The following HTT variants were observed in gnomAD, a reference collection of about 807,000 sequenced individuals.
HTT encodes huntingtin.
HTT carries 104 observed loss-of-function variants against 362.3 expected under a neutral mutation model. That is an observed-to-expected ratio of 0.29 (90% CI 0.24 to 0.34). The LOEUF (loss-of-function observed/expected upper bound fraction) is 0.34, where lower values mean the gene tolerates loss of function less well. HTT is among the 10% of genes least tolerant of loss of function. The pLI is 1.00. For missense variants in HTT, 3,301 were observed against 3,928.6 expected (o/e 0.84, Z 4.27); for synonymous variants, 1,577 against 1,548.7 (o/e 1.02, Z -0.43).
chr4:3,172,620 A>G (rs1718045745), intron 30 of HTT, among the ~76,000 whole-genome samples: 1 of 152,158 alleles, frequency 6.6e-6, no homozygotes, highest in African/African-American at 2.4e-5. Context: ...AGGACACCAG[A>G]AGCTCCTCTG....
At chr4:3,100,560 C>T (rs972295564) in intron 3 of HTT, among the ~76,000 whole-genome samples, 6 of 152,196 alleles carry the variant, frequency 3.9e-5, no homozygotes, top group East Asian at 3.8e-4. Context: ...CTGCTTTGCT[C>T]GCATCTCACT....
intron 33 of HTT, among the ~76,000 whole-genome samples, chr4:3,175,622 C>T (rs923527426): frequency 5.9e-5 from 9 of 152,220 alleles, no homozygotes; most frequent in African/African-American, 1.9e-4. Context: ...TGGCTCTGCA[C>T]AAGCATTTGC....
In HTT at chr4:3,146,377, C is replaced by T. The variant is rs570146663; in HGVS notation, c.3144-420C>T. ...TATCAGGAAAACTAACCACGTCAGACCTGCCCCATTGTGTATCAAGTACAC... is the reference window on the plus strand; with the variant it reads ...TATCAGGAAAACTAACCACGTCAGATCTGCCCCATTGTGTATCAAGTACAC... On this transcript the variant is annotated intron_variant, in intron 24 of 66. Coordinates refer to ENST00000355072, the MANE Select transcript of HTT (RefSeq NM_001388492.1). Among the ~76,000 whole-genome samples the T allele has an allele frequency of 2.0e-5, 3 of 152,326 alleles. No individual in the cohort carries two copies. The South Asian group carries it at 6.2e-4, about 32-fold the overall frequency.
chr4:3,154,665 C>T (rs1164332862), intron 27 of HTT, among the ~76,000 whole-genome samples: 4 of 152,232 alleles, frequency 2.6e-5, no homozygotes, highest in Non-Finnish European at 4.4e-5. Context: ...TCCAGGCTTC[C>T]AGCCCTAGCA....
At chr4:3,115,566 A>C (rs1184104009) in intron 7 of HTT, 121 bp downstream of exon 7, 1 of 780,238 alleles carries the variant, frequency 1.3e-6, no homozygotes, top group Non-Finnish European at 2.1e-6. Flanking sequence ...TGGTTGATTG[A>C]ATGTGAACTG....
rs752910544 is a variant in HTT, at chr4:3,142,903, A to G, written c.3066+17A>G. 4.3e-6 allele frequency: 7 copies of G among 1,609,988 alleles called. No homozygotes were observed. Among genetic ancestry groups the G allele is most frequent in the Non-Finnish European group, 5.1e-6 (6 of 1,176,926 alleles). ...GCACTCACAGTAAGTCTCTTTCTTG[A>G]TCGGTCTTACTGACATTGTAATAGT... is the stretch of plus-strand genomic sequence containing the variant. On this transcript the variant is annotated intron_variant, in intron 23 of 66. Transcript: ENST00000355072.
At chr4:3,082,640 A>G (rs1425560873) in intron 1 of HTT, among the ~76,000 whole-genome samples, 1 of 152,178 alleles carries the variant, frequency 6.6e-6, no homozygotes, top group Non-Finnish European at 1.5e-5. Context: ...ACTTACATGC[A>G]CATTGGAGTT....
intron 9 of HTT, chr4:3,121,694 CAAAAAAAAAAA>C (rs1019406950): frequency 2.5e-5 from 1 of 39,430 alleles, no homozygotes; most frequent in African/African-American, 1.0e-4. Flanking sequence ...CCTGTCTCTA[CAAAAAAAAAAA>C]AAAAAAAAAA....
At chr4:3,165,440 G>A (rs1717652568) in intron 29 of HTT, among the ~76,000 whole-genome samples, 1 of 152,082 alleles carries the variant, frequency 6.6e-6, no homozygotes, top group Non-Finnish European at 1.5e-5. Flanking sequence ...TGTATTTCCT[G>A]AATTTGAATG....
intron 65 of HTT, 58 bp from the exon 66 acceptor site, chr4:3,238,760 A>G: frequency 1.2e-6 from 1 of 854,166 alleles, no homozygotes; most frequent in South Asian, 1.8e-5. Context: ...ACCCAGGCGC[A>G]GCAGGTGCTT....
At chr4:3,213,860 C>T in intron 49 of HTT, 98 bp from the exon 50 acceptor site, 2 of 1,105,016 alleles carry the variant, frequency 1.8e-6, no homozygotes, top group South Asian at 4.0e-5. Flanking sequence ...GACGCGCTGC[C>T]CCTCAGTGCT....
chr4:3,087,381 C>T lies in HTT; in HGVS notation c.347+359C>T, dbSNP rs971230969. ...CAGCACAAGACAGTTCAGTTTGTCTCTCTTATTTGCTTTTTCTTGGCAGTT... is the reference window on the plus strand; with the variant it reads ...CAGCACAAGACAGTTCAGTTTGTCTTTCTTATTTGCTTTTTCTTGGCAGTT... On this transcript the variant is annotated intron_variant, in intron 2 of 66. Transcript: ENST00000355072. 2.0e-5 allele frequency among the ~76,000 whole-genome samples: 3 copies of T among 152,196 alleles called. No homozygotes were observed. The East Asian group carries it at 5.8e-4, about 29-fold the overall frequency.
In HTT at chr4:3,243,208, G is replaced by A. The variant is rs1721898526; in HGVS notation, c.*3149G>A. 1 of 152,678 alleles carries A rather than the reference G, an allele frequency of 6.5e-6. No individual in the cohort carries two copies. The highest frequency in any genetic ancestry group is 1.5e-5 in the Non-Finnish European group (1 of 68,080). 9.5% of individuals were successfully genotyped at this position (152,678 alleles called of 1,614,324 possible). On this transcript the variant is annotated 3_prime_UTR_variant, in exon 67 of 67. Transcript: ENST00000355072. ...CAGGTGGAACTTCCTCCCGTTGCGG[G>A]GTGGAGTGAGGTTAGTTCTGTGTGT... is the stretch of plus-strand genomic sequence containing the variant.
chr4:3,075,041 C>T lies in HTT; in HGVS notation c.216C>T (p.Pro72=), dbSNP rs1039207586. ...LPQPQPPPPP[P]PPPPGPAVAE... ...AGCCGCAGCCGCCCCCGCCGCCGCC[C>T]CCGCCGCCACCCGGCCCGGCTGTGG... Residue 72 remains proline, a synonymous_variant, in exon 1 of 67, where the codon CCC becomes CCT. Transcript: ENST00000355072. The T allele has an allele frequency of 8.0e-7, 1 of 1,248,370 alleles. No homozygotes were observed. Among genetic ancestry groups the T allele is most frequent in the Non-Finnish European group, 1.0e-6 (1 of 1,002,866 alleles). 77.3% of individuals were successfully genotyped at this position (1,248,370 alleles called of 1,614,324 possible). A position where few individuals can be genotyped will look rare whatever the true frequency, so the allele number is the denominator to read the frequency against.
Position 3,243,116 on chromosome 4 carries a change from G to A in HTT, c.*3057G>A, listed in dbSNP as rs1169463486. 6.6e-6 allele frequency: 1 copy of A among 152,654 alleles called. No individual in the cohort carries two copies. The highest frequency in any genetic ancestry group is 1.5e-5 in the Non-Finnish European group (1 of 68,054). The allele number at this position is 152,654 out of a possible 1,614,324, so 9.5% of individuals were successfully genotyped here. On this transcript the variant is annotated 3_prime_UTR_variant, in exon 67 of 67. Transcript: ENST00000355072. Reference sequence around the variant, plus strand: ...ATGAACAGCTCCTCCTCTTGGAGCTGAGATGAGCCCCACGTGGAGCTCGGG... The same window carrying A: ...ATGAACAGCTCCTCCTCTTGGAGCTAAGATGAGCCCCACGTGGAGCTCGGG...
Position 3,175,032 on chromosome 4 carries a change from A to G in HTT, c.4332A>G (p.Leu1444=), listed in dbSNP as rs1718174014. 1.2e-6 allele frequency: 2 copies of G among 1,613,856 alleles called. No individual in the cohort carries two copies. The highest frequency in any genetic ancestry group is 2.7e-5 in the African/African-American group (2 of 74,926). The part of the protein sequence containing the change: ...KQYTTTTCVQ[L]QKQVLDLLAQ... ...ACACGACTACAACATGTGTGCAGTT[A>G]CAGAAGCAGGTTTTAGATTTGCTGG... is the stretch of plus-strand genomic sequence containing the variant. Residue 1444 remains leucine, a synonymous_variant, in exon 33 of 67, where the codon TTA becomes TTG. Transcript: ENST00000355072.
At chr4:3,224,213 T>C (rs1720805332) in intron 56 of HTT, 82 bp downstream of exon 56, 6 of 1,436,764 alleles carry the variant, frequency 4.2e-6, no homozygotes, top group African/African-American at 1.4e-5. Context: ...ACACCAGTGA[T>C]GCGGGAAGAC....
chr4:3,237,574 C>T (rs1170805825), intron 64 of HTT, among the ~76,000 whole-genome samples: 2 of 152,016 alleles, frequency 1.3e-5, no homozygotes, highest in African/African-American at 2.4e-5. Flanking sequence ...GACCGCTCTC[C>T]AGACGCCACA....
At chr4:3,157,615 G>A (rs75507952) in intron 28 of HTT, among the ~76,000 whole-genome samples, 1,793 of 152,204 alleles carry the variant, frequency 0.012, 35 homozygotes, top group African/African-American at 0.039. Flanking sequence ...GCAGGTGTTC[G>A]GCATAAACCA....
Sources: allele counts gnomAD v4.1 joint callset (sites outside exome capture counted in the v4.1 genomes callset), GRCh38; gene constraint gnomAD v4.1.1; transcripts MANE v1.5; gene names NCBI Gene and HGNC (gene_info 2026-07-23, HGNC 2026-07-21).